The following AKAP9 variants were observed in gnomAD, a reference collection of about 807,000 sequenced individuals.
AKAP9 encodes A-kinase anchoring protein 9, also known as A-kinase anchor protein 9.
A neutral mutation model predicts 488.5 loss-of-function variants in AKAP9; 311 were observed. That is an observed-to-expected ratio of 0.64 (90% CI 0.58 to 0.70). The LOEUF (loss-of-function observed/expected upper bound fraction) is 0.70, where lower values mean the gene tolerates loss of function less well. AKAP9 is among the 30% of genes least tolerant of loss of function. The probability of loss-of-function intolerance (pLI) is 0.00; values close to 1 mark genes in which losing one functional copy is unlikely to be tolerated. For missense variants in AKAP9, 4,215 were observed against 4,374.5 expected, an observed-to-expected ratio of 0.96 and a Z score of 1.03; for synonymous variants, 1,462 against 1,483.5, an observed-to-expected ratio of 0.99 and a Z score of 0.33.
At chr7:92,031,094 T>C (rs1243765390) in intron 15 of AKAP9, among the ~76,000 whole-genome samples, 2 of 152,334 alleles carry the variant, frequency 1.3e-5, no homozygotes, top group East Asian at 1.9e-4. Flanking sequence ...TTTGTATTTG[T>C]AGAAAGTTAG....
intron 22 of AKAP9, among the ~76,000 whole-genome samples, chr7:92,056,186 C>T (rs1808762813): frequency 6.6e-6 from 1 of 151,912 alleles, no homozygotes; most frequent in South Asian, 2.1e-4. Flanking sequence ...AGTAATTTTT[C>T]TCTCTTATCT....
At position 92,001,228 on chromosome 7, in the gene AKAP9, G is replaced by A. The variant is rs1239097282; in HGVS notation, c.1311G>A (p.Leu437=). 6.2e-7 allele frequency: 1 copy of A among 1,613,970 alleles called. No individual in the cohort carries two copies. Among genetic ancestry groups the A allele is most frequent in the Non-Finnish European group, 8.5e-7 (1 of 1,179,952 alleles). Reference sequence around the variant, plus strand: ...AGTTAGAACAACTCCGGGCAGAGCTGGATGAGATGTATGGGCAGCAGATAG... The same window carrying A: ...AGTTAGAACAACTCCGGGCAGAGCTAGATGAGATGTATGGGCAGCAGATAG... The part of the protein sequence containing the change: ...QRKLEQLRAE[L]DEMYGQQIVQ... Residue 437 remains leucine (L), a synonymous_variant, in exon 8 of 50, where the codon CTG becomes CTA. Transcript: ENST00000356239.
rs1440979471 is a variant in AKAP9 at position 92,045,131 on chromosome 7, A to C, written c.5286A>C (p.Lys1762Asn). 1.2e-6 allele frequency: 2 copies of C among 1,613,658 alleles called. No homozygotes were observed. The highest frequency in any genetic ancestry group is 3.3e-5 in the Admixed American group (2 of 59,920). ...TTGGGATTCTAGATAGATCTAGTAA[A>C]AGCCAGTCATCTGCCAGCCTAATTT... Reference protein sequence around the residue: ...HVLGILDRSSKSQSSASLIWR... With the variant: ...HVLGILDRSSNSQSSASLIWR... The change falls in exon 21 of 50, where the codon AAA (lysine) becomes AAC (asparagine). Residue 1762 changes from lysine (K) to asparagine (N), a missense_variant. Lys to Asn is a moderately conservative substitution (Grantham distance 94, BLOSUM62 0). Coordinates refer to ENST00000356239, the MANE Select transcript of AKAP9 (RefSeq NM_005751.5).
chr7:91,946,685 G>A (rs564184880), intron 1 of AKAP9, among the ~76,000 whole-genome samples: 7 of 152,212 alleles, frequency 4.6e-5, no homozygotes, highest in South Asian at 2.1e-4. Context: ...AGGCTTTGTC[G>A]GAATGAAGCA....
chr7:91,946,519 G>A (rs1249458556), intron 1 of AKAP9, among the ~76,000 whole-genome samples: 1 of 151,804 alleles, frequency 6.6e-6, no homozygotes, highest in Non-Finnish European at 1.5e-5. Flanking sequence ...CTACAGATGT[G>A]CACCACCACA....
intron 1 of AKAP9, among the ~76,000 whole-genome samples, chr7:91,950,227 CTT>C (rs1363169233): frequency 6.7e-5 from 9 of 133,368 alleles, no homozygotes; most frequent in African/African-American, 1.4e-4. Flanking sequence ...CAGGGTCTCA[CTT>C]TTTTTTTTTT....
Position 92,108,608 on chromosome 7 carries a change from A to G in AKAP9, c.11661A>G (p.Gln3887=). 2 of 1,614,186 alleles carry G rather than the reference A, an allele frequency of 1.2e-6. No homozygotes were observed. Among genetic ancestry groups the G allele is most frequent in the African/African-American group, 1.3e-5 (1 of 75,048 alleles). ...ATATCACTCGGCTAGAGGCACTGCAAAGACGACTTGGAACTATACAGTCAG... is the reference window on the plus strand; with the variant it reads ...ATATCACTCGGCTAGAGGCACTGCAGAGACGACTTGGAACTATACAGTCAG... ...TDYITRLEAL[Q]RRLGTIQSGS... Residue 3887 remains glutamine, a synonymous_variant, in exon 49 of 50, where the codon CAA becomes CAG. Coordinates refer to ENST00000356239, the MANE Select transcript of AKAP9 (RefSeq NM_005751.5).
At chr7:92,040,164 G>A (rs1397706313) in intron 17 of AKAP9, among the ~76,000 whole-genome samples, 1 of 152,154 alleles carries the variant, frequency 6.6e-6, no homozygotes, top group East Asian at 1.9e-4. Flanking sequence ...ACTCTGGAAT[G>A]TAAAGCTTTT....
At chr7:91,982,041 T>A (rs1204412819) in intron 3 of AKAP9, among the ~76,000 whole-genome samples, 1 of 152,242 alleles carries the variant, frequency 6.6e-6, no homozygotes, top group Non-Finnish European at 1.5e-5. Context: ...TGCTAGTGGC[T>A]GTAGGTCAGA....
Position 92,085,539 on chromosome 7 carries a change from T to C in AKAP9, c.8877T>C (p.Ser2959=), listed in dbSNP as rs749100077. The stretch of plus-strand genomic sequence containing the variant: ...ATAATGAAGGCATGCAGGTGCTTTC[T>C]CTCACTGAGTCTCCCTATAGTGATG... The part of the protein sequence containing the change: ...AVHNEGMQVL[S]LTESPYSDGE... The change falls in exon 36 of 50, where the codon TCT becomes TCC. Residue 2959 remains serine (S), a synonymous_variant. Coordinates refer to ENST00000356239, the MANE Select transcript of AKAP9 (RefSeq NM_005751.5). 1 of 1,614,136 alleles carries C rather than the reference T, an allele frequency of 6.2e-7. No homozygotes were observed. The highest frequency in any genetic ancestry group is 1.1e-5 in the South Asian group (1 of 91,080).
intron 1 of AKAP9, among the ~76,000 whole-genome samples, chr7:91,971,001 C>CA (rs1333830785): frequency 6.6e-6 from 1 of 151,128 alleles, no homozygotes; most frequent in Non-Finnish European, 1.5e-5. Context: ...GACATGGTAC[C>CA]AAAAAAAAGA....
At chr7:92,035,946 A>G (rs1805123949) in intron 16 of AKAP9, among the ~76,000 whole-genome samples, 1 of 151,874 alleles carries the variant, frequency 6.6e-6, no homozygotes, top group Admixed American at 6.6e-5. Flanking sequence ...TTTACGCTCT[A>G]ATCCTTTTTG....
At chr7:92,039,523 T>C (rs1805719182) in intron 17 of AKAP9, among the ~76,000 whole-genome samples, 1 of 152,264 alleles carries the variant, frequency 6.6e-6, no homozygotes, top group Admixed American at 6.5e-5. Context: ...TATGTACTTA[T>C]TTATTAATAG....
chr7:92,098,042 A>C (rs1196264088), intron 42 of AKAP9, 67 bp from the exon 43 acceptor site: 6 of 1,079,684 alleles, frequency 5.6e-6, no homozygotes, highest in Non-Finnish European at 8.5e-6. Context: ...CCTGCTCTGT[A>C]ATGTTTGTGG....
chr7:92,074,652 C>G (rs1211171777), intron 28 of AKAP9, among the ~76,000 whole-genome samples: 2 of 152,094 alleles, frequency 1.3e-5, no homozygotes, highest in African/African-American at 4.8e-5. Context: ...GAAAATGTGG[C>G]ACATATACAC....
chr7:91,987,691 C>A (rs1797275289), intron 3 of AKAP9, among the ~76,000 whole-genome samples: 1 of 152,140 alleles, frequency 6.6e-6, no homozygotes, highest in Non-Finnish European at 1.5e-5. Flanking sequence ...TGAATTCCTC[C>A]ATTTAATGAT....
chr7:92,031,906 A>G (rs1804319348), intron 16 of AKAP9, among the ~76,000 whole-genome samples: 1 of 152,256 alleles, frequency 6.6e-6, no homozygotes, highest in African/African-American at 2.4e-5. Context: ...GGAAGAAGAT[A>G]GGAAAAGAAA....
At chr7:92,007,919 CAAGTT>C (rs776209392) in intron 8 of AKAP9, among the ~76,000 whole-genome samples, 19 of 152,200 alleles carry the variant, frequency 1.2e-4, no homozygotes, top group South Asian at 4.1e-4. Context: ...ATATTGAAAA[CAAGTT>C]AAGCTGTTAG....
chr7:92,023,412 C>G (rs1318140213), intron 14 of AKAP9, among the ~76,000 whole-genome samples: 1 of 152,146 alleles, frequency 6.6e-6, no homozygotes, highest in Non-Finnish European at 1.5e-5. Context: ...GTCTCATGTT[C>G]AAATTCACCA....
Sources: gnomAD v4.1 joint callset for allele counts (sites outside exome capture counted in the v4.1 genomes callset) on GRCh38, gnomAD v4.1.1 for gene constraint, MANE v1.5 for transcripts, NCBI Gene and HGNC (gene_info 2026-07-23, HGNC 2026-07-21) for gene names.